The following GALNT17 variants were observed in gnomAD, a reference collection of about 807,000 sequenced individuals.
The protein encoded by GALNT17 is UDP-GalNAc:polypeptide N-acetylgalactosaminyltransferase-like 3.
GALNT17 carries 29 observed loss-of-function variants against 63.7 expected under a neutral mutation model. The ratio of observed to expected loss-of-function variants is 0.46; its 90% CI spans 0.34 to 0.62. The LOEUF (loss-of-function observed/expected upper bound fraction) is 0.62. Ranked by LOEUF, GALNT17 falls within the 20% of genes least tolerant of loss-of-function variation. GALNT17 has a pLI of 0.01. For synonymous variants in GALNT17, 305 were observed against 318.3 expected, an observed-to-expected ratio of 0.96 and a Z score of 0.45; for missense variants, 603 against 799.6, an observed-to-expected ratio of 0.75 and a Z score of 2.97.
At chr7:71,322,768 C>T (rs1408619133) in intron 1 of GALNT17, among the ~76,000 whole-genome samples, 1 of 152,128 alleles carries the variant, frequency 6.6e-6, no homozygotes, top group Non-Finnish European at 1.5e-5. Flanking sequence ...GAGACACAAG[C>T]TCTCCCTCTC....
chr7:71,482,193 G>GGTCTGGA (rs1250744528), intron 5 of GALNT17, among the ~76,000 whole-genome samples: 2 of 145,800 alleles, frequency 1.4e-5, no homozygotes, highest in Non-Finnish European at 3.0e-5. Context: ...TCTGTCACCC[G>GGTCTGGA]GTCTGGAGTG....
At chr7:71,676,422 C>T (rs952456047) in intron 8 of GALNT17, among the ~76,000 whole-genome samples, 13 of 151,164 alleles carry the variant, frequency 8.6e-5, no homozygotes, top group Non-Finnish European at 8.8e-5. Flanking sequence ...CTTGCTCTGT[C>T]GCCCAGGCTG....
intron 1 of GALNT17, among the ~76,000 whole-genome samples, chr7:71,237,055 C>T (rs566968069): frequency 6.6e-6 from 1 of 152,186 alleles, no homozygotes. Flanking sequence ...CACAAACACG[C>T]TGCCACATTC....
intron 1 of GALNT17, among the ~76,000 whole-genome samples, chr7:71,254,687 G>T (rs1434859228): frequency 6.6e-6 from 1 of 152,074 alleles, no homozygotes; most frequent in Non-Finnish European, 1.5e-5. Flanking sequence ...GCCAAGAAGG[G>T]GGTCCATCAA....
chr7:71,506,557 C>G (rs1788272707), intron 5 of GALNT17, among the ~76,000 whole-genome samples: 1 of 152,084 alleles, frequency 6.6e-6, no homozygotes, highest in South Asian at 2.1e-4. Context: ...GTGAGCTACC[C>G]TACCTGGACT....
intron 5 of GALNT17, among the ~76,000 whole-genome samples, chr7:71,486,390 GTAAA>G (rs1787910999): frequency 1.4e-5 from 2 of 140,024 alleles, no homozygotes; most frequent in Non-Finnish European, 3.1e-5. Flanking sequence ...AATAATAATA[GTAAA>G]TAATATATTT....
At chr7:71,531,228 C>T (rs1031926221) in intron 5 of GALNT17, among the ~76,000 whole-genome samples, 4 of 152,008 alleles carry the variant, frequency 2.6e-5, no homozygotes, top group Non-Finnish European at 5.9e-5. Context: ...CTCCATTATG[C>T]ATCAATTAAA....
At chr7:71,651,840 T>A (rs1790758970) in intron 6 of GALNT17, among the ~76,000 whole-genome samples, 2 of 152,098 alleles carry the variant, frequency 1.3e-5, no homozygotes, top group South Asian at 4.1e-4. Context: ...ACCACCTGAG[T>A]TGCTGTGACT....
At chr7:71,640,598 G>A (rs1313324109) in intron 6 of GALNT17, among the ~76,000 whole-genome samples, 1 of 152,008 alleles carries the variant, frequency 6.6e-6, no homozygotes, top group African/African-American at 2.4e-5. Flanking sequence ...ATAGTAGTTA[G>A]TAAACCAAAC....
chr7:71,339,937 A>G (rs1243597637), intron 2 of GALNT17, among the ~76,000 whole-genome samples: 1 of 152,204 alleles, frequency 6.6e-6, no homozygotes, highest in African/African-American at 2.4e-5. Flanking sequence ...AAAAAACCAC[A>G]ACAGGTTGGG....
At chr7:71,545,969 T>C (rs1277671424) in intron 5 of GALNT17, among the ~76,000 whole-genome samples, 1 of 152,048 alleles carries the variant, frequency 6.6e-6, no homozygotes, top group Middle Eastern at 3.2e-3. Context: ...CTAATGTAAA[T>C]TGAAATCTGG....
chr7:71,464,013 C>T (rs1334903115), intron 5 of GALNT17, among the ~76,000 whole-genome samples: 1 of 152,204 alleles, frequency 6.6e-6, no homozygotes, highest in African/African-American at 2.4e-5. Flanking sequence ...TTATTTCACC[C>T]AGCCCCTATT....
chr7:71,265,098 T>TTTTATATATATATATATATATA (rs144493671), intron 1 of GALNT17, among the ~76,000 whole-genome samples: 1,179 of 77,968 alleles, frequency 0.015, 199 homozygotes, highest in Non-Finnish European at 0.024. Flanking sequence ...CCCATAAATA[T>TTTTATATATATATATATATATA]TATATATATA....
At chr7:71,237,100 A>G (rs925801141) in intron 1 of GALNT17, among the ~76,000 whole-genome samples, 7 of 152,332 alleles carry the variant, frequency 4.6e-5, no homozygotes, top group Non-Finnish European at 8.8e-5. Flanking sequence ...AGGTAGGGTC[A>G]AAAACCACGG....
At chr7:71,438,470 C>G (rs917997711) in intron 5 of GALNT17, among the ~76,000 whole-genome samples, 2 of 152,208 alleles carry the variant, frequency 1.3e-5, no homozygotes, top group African/African-American at 4.8e-5. Context: ...TTGGCAGACA[C>G]ACCCAGGATC....
intron 5 of GALNT17, among the ~76,000 whole-genome samples, chr7:71,539,123 A>G (rs7777634): frequency 0.39 from 59,140 of 151,954 alleles, 12,227 homozygotes; most frequent in African/African-American, 0.53. Flanking sequence ...GCAGAGACAA[A>G]GTTTCACCAT....
intron 6 of GALNT17, among the ~76,000 whole-genome samples, chr7:71,618,620 A>C (rs1790250991): frequency 6.6e-6 from 1 of 151,952 alleles, no homozygotes; most frequent in Non-Finnish European, 1.5e-5. Flanking sequence ...TTCTTTTGAG[A>C]AGTGTCTGGT....
At chr7:71,279,284 G>A (rs988535305) in intron 1 of GALNT17, among the ~76,000 whole-genome samples, 1 of 151,954 alleles carries the variant, frequency 6.6e-6, no homozygotes, top group Non-Finnish European at 1.5e-5. Context: ...AGGAAGAAGT[G>A]TTGAGCAAAA....
chr7:71,240,387 A>G (rs1789971956), intron 1 of GALNT17, among the ~76,000 whole-genome samples: 1 of 152,224 alleles, frequency 6.6e-6, no homozygotes, highest in Non-Finnish European at 1.5e-5. Context: ...TAGGTAGCAC[A>G]GTATCCAGTA....
Sources: allele counts gnomAD v4.1 joint callset (sites outside exome capture counted in the v4.1 genomes callset), GRCh38; gene constraint gnomAD v4.1.1; transcripts MANE v1.5; gene names NCBI Gene and HGNC (gene_info 2026-07-23, HGNC 2026-07-21).